Variants in KCNIP1 observed in about 807,000 individuals in gnomAD.
KCNIP1 encodes the protein A-type potassium channel modulatory protein KCNIP1.
KCNIP1 carries 18 observed loss-of-function variants against 33.0 expected under a neutral mutation model. That is an observed-to-expected ratio of 0.55 (90% confidence interval 0.38 to 0.81). The LOEUF is 0.81. KCNIP1 is among the 30% of genes least tolerant of loss of function. The pLI is 0.00. For missense variants in KCNIP1, 238 were observed against 271.6 expected, an observed-to-expected ratio of 0.88 and a Z score of 0.87; for synonymous variants, 93 against 98.3, an observed-to-expected ratio of 0.95 and a Z score of 0.32.
chr5:170,430,884 A>C (rs985324571), intron 1 of KCNIP1, among the ~76,000 whole-genome samples: 1 of 152,160 alleles, frequency 6.6e-6, no homozygotes, highest in Non-Finnish European at 1.5e-5. Context: ...CTCATAGATG[A>C]GCGGCCAGCC....
intron 1 of KCNIP1, among the ~76,000 whole-genome samples, chr5:170,435,129 C>G (rs1400103577): frequency 1.3e-5 from 2 of 152,228 alleles, no homozygotes; most frequent in Non-Finnish European, 2.9e-5. Flanking sequence ...CCACCCAACC[C>G]AGGGAGCCGG....
chr5:170,655,808 TG>T (rs1266077988), intron 1 of KCNIP1, among the ~76,000 whole-genome samples: 3 of 152,266 alleles, frequency 2.0e-5, no homozygotes, highest in South Asian at 4.2e-4. Context: ...GTTCCCGCTG[TG>T]GGGGGAAATC....
At chr5:170,536,462 T>C (rs1003521058) in intron 1 of KCNIP1, among the ~76,000 whole-genome samples, 2 of 152,242 alleles carry the variant, frequency 1.3e-5, no homozygotes, top group African/African-American at 4.8e-5. Flanking sequence ...CTGCCCAGGC[T>C]GTGGCCAGAA....
intron 1 of KCNIP1, among the ~76,000 whole-genome samples, chr5:170,576,721 A>C (rs1351833284): frequency 3.9e-5 from 6 of 152,206 alleles, no homozygotes; most frequent in Admixed American, 3.9e-4. Flanking sequence ...TTTAAAAATT[A>C]ACCTGGTACC....
intron 5 of KCNIP1, among the ~76,000 whole-genome samples, chr5:170,723,345 A>G (rs980660011): frequency 1.3e-5 from 2 of 152,086 alleles, no homozygotes; most frequent in African/African-American, 4.8e-5. Context: ...CTGAATCTTC[A>G]CTGCTTTGCA....
At chr5:170,624,713 G>T (rs981257228) in intron 1 of KCNIP1, among the ~76,000 whole-genome samples, 1 of 103,140 alleles carries the variant, frequency 9.7e-6, no homozygotes, top group Admixed American at 1.0e-4. Flanking sequence ...GGGGAGGAGA[G>T]GAAAGGAGAC....
intron 1 of KCNIP1, among the ~76,000 whole-genome samples, chr5:170,449,854 T>C (rs1011757233): frequency 6.6e-6 from 1 of 151,858 alleles, no homozygotes; most frequent in African/African-American, 2.4e-5. Flanking sequence ...GGGCCTGGGG[T>C]CTCTACTTGT....
intron 1 of KCNIP1, among the ~76,000 whole-genome samples, chr5:170,494,295 C>T (rs1016206715): frequency 6.6e-6 from 1 of 152,234 alleles, no homozygotes; most frequent in Non-Finnish European, 1.5e-5. Context: ...TAGCTCCCCC[C>T]AGCACCAGCT....
intron 1 of KCNIP1, among the ~76,000 whole-genome samples, chr5:170,384,108 G>A (rs955217778): frequency 1.3e-5 from 2 of 152,124 alleles, no homozygotes; most frequent in African/African-American, 4.8e-5. Context: ...CAACAACCTG[G>A]GGAGCTTCTA....
intron 5 of KCNIP1, among the ~76,000 whole-genome samples, chr5:170,731,872 CAAAAAAA>C (rs1157286321): frequency 1.2e-4 from 2 of 16,900 alleles, no homozygotes; most frequent in Non-Finnish European, 2.3e-4. Flanking sequence ...GACTCCGTCT[CAAAAAAA>C]AAAAAAAAAA....
At chr5:170,494,070 A>G (rs1351669981) in intron 1 of KCNIP1, among the ~76,000 whole-genome samples, 2 of 152,188 alleles carry the variant, frequency 1.3e-5, no homozygotes, top group Non-Finnish European at 2.9e-5. Context: ...TGTGGGAACC[A>G]GGTGAGAAGC....
intron 1 of KCNIP1, chr5:170,378,692 G>A (rs1764107580): frequency 8.7e-6 from 14 of 1,600,658 alleles, no homozygotes; most frequent in Non-Finnish European, 1.1e-5. Flanking sequence ...GGTATGGCAT[G>A]GATGGATGGC....
At chr5:170,555,303 G>T (rs1756806545) in intron 1 of KCNIP1, among the ~76,000 whole-genome samples, 1 of 152,170 alleles carries the variant, frequency 6.6e-6, no homozygotes, top group African/African-American at 2.4e-5. Flanking sequence ...ATCTTTGGGG[G>T]CAGAAGGAAT....
chr5:170,629,844 A>C (rs1759987915), intron 1 of KCNIP1, among the ~76,000 whole-genome samples: 1 of 152,222 alleles, frequency 6.6e-6, no homozygotes, highest in African/African-American at 2.4e-5. Context: ...CAACCACCAC[A>C]CAAGATTCTC....
chr5:170,589,062 G>A (rs534792604), intron 1 of KCNIP1, among the ~76,000 whole-genome samples: 6 of 147,106 alleles, frequency 4.1e-5, no homozygotes, highest in East Asian at 4.1e-4. Context: ...GCAGTGGCGC[G>A]ATCTCGGCTC....
intron 1 of KCNIP1, among the ~76,000 whole-genome samples, chr5:170,479,517 CCAA>C (rs2113159636): frequency 6.6e-6 from 1 of 152,318 alleles, no homozygotes; most frequent in South Asian, 2.1e-4. Context: ...CTGCAAAGGA[CCAA>C]GAAAAGCTCC....
chr5:170,713,080 C>T (rs543316569), intron 1 of KCNIP1, among the ~76,000 whole-genome samples: 55 of 152,258 alleles, frequency 3.6e-4, no homozygotes, highest in Non-Finnish European at 6.5e-4. Context: ...CTTTGCTCCC[C>T]GTAAGAAATG....
At chr5:170,721,644 T>G (rs1763828319) in intron 3 of KCNIP1, 189 bp from the exon 4 acceptor site, 7 of 1,196,430 alleles carry the variant, frequency 5.9e-6, no homozygotes, top group Non-Finnish European at 8.4e-6. Flanking sequence ...TCATCTCACT[T>G]TTTGCTAGAT....
intron 1 of KCNIP1, among the ~76,000 whole-genome samples, chr5:170,462,266 A>AG (rs1756520454): frequency 2.7e-5 from 4 of 145,538 alleles, no homozygotes; most frequent in African/African-American, 5.1e-5. Flanking sequence ...CAAATTAGCA[A>AG]AAAAAAAAAA....
Sources: allele counts gnomAD v4.1 joint callset (sites outside exome capture counted in the v4.1 genomes callset), GRCh38; gene constraint gnomAD v4.1.1; transcripts MANE v1.5; gene names NCBI Gene and HGNC (gene_info 2026-07-23, HGNC 2026-07-21).